The following MCC variants were observed in gnomAD, a reference collection of about 807,000 sequenced individuals.
The protein encoded by MCC is MCC regulator of Wnt signaling pathway.
In MCC, 90 loss-of-function variants were observed where a neutral mutation model predicts 116.2. The observed-to-expected ratio is 0.77, with a 90% CI of 0.65 to 0.92. MCC has a LOEUF of 0.92. Among genes scored for constraint, MCC ranks in the 40% least tolerant of loss-of-function variants. The pLI is 0.00. For synonymous variants in MCC, 578 were observed against 510.5 expected (o/e 1.13, Z -1.78); for missense variants, 1,516 against 1,312.2 (o/e 1.16, Z -2.40).
intron 1 of MCC, among the ~76,000 whole-genome samples, chr5:113,486,741 G>A (rs1370270810): frequency 6.6e-6 from 1 of 151,944 alleles, no homozygotes; most frequent in Non-Finnish European, 1.5e-5. Context: ...TACTCGGGAA[G>A]CTGAGGCAGG....
chr5:113,459,399 G>C (rs900252347), intron 1 of MCC, among the ~76,000 whole-genome samples: 1 of 151,766 alleles, frequency 6.6e-6, no homozygotes, highest in Non-Finnish European at 1.5e-5. Context: ...TTGGCCGGGC[G>C]TGGTTGTGGG....
At chr5:113,144,415 A>C (rs1759368309) in intron 4 of MCC, among the ~76,000 whole-genome samples, 1 of 152,154 alleles carries the variant, frequency 6.6e-6, no homozygotes, top group Admixed American at 6.5e-5. Context: ...GAGGAACTTT[A>C]ATTTCATCTT....
intron 3 of MCC, among the ~76,000 whole-genome samples, chr5:113,297,749 CAAAAAAAAAA>C (rs57148050): frequency 5.0e-4 from 30 of 60,546 alleles, no homozygotes; most frequent in Non-Finnish European, 7.3e-4. Context: ...GACTCTGTCT[CAAAAAAAAAA>C]AAAAAAAAAA....
chr5:113,188,008 C>T (rs1761985261), intron 3 of MCC, among the ~76,000 whole-genome samples: 1 of 152,030 alleles, frequency 6.6e-6, no homozygotes, highest in African/African-American at 2.4e-5. Context: ...TGTTATCATT[C>T]TAGAAAGGGG....
chr5:113,166,393 C>G (rs550799133), intron 3 of MCC, among the ~76,000 whole-genome samples: 6 of 152,092 alleles, frequency 3.9e-5, no homozygotes, highest in Non-Finnish European at 7.4e-5. Flanking sequence ...GGCATGGGAC[C>G]AAGTACAGCG....
intron 3 of MCC, among the ~76,000 whole-genome samples, chr5:113,196,243 G>T (rs1380234295): frequency 1.3e-5 from 2 of 152,200 alleles, no homozygotes; most frequent in African/African-American, 4.8e-5. Flanking sequence ...AAGCATTGCT[G>T]GATGGATGAA....
chr5:113,227,668 A>G (rs937077575), intron 3 of MCC, among the ~76,000 whole-genome samples: 2 of 152,248 alleles, frequency 1.3e-5, no homozygotes, highest in East Asian at 1.9e-4. Context: ...AGAACAAACA[A>G]TATGGGGATG....
intron 3 of MCC, among the ~76,000 whole-genome samples, chr5:113,293,803 C>A (rs906449905): frequency 6.6e-6 from 1 of 152,102 alleles, no homozygotes; most frequent in Admixed American, 6.5e-5. Context: ...AGACCCCTCC[C>A]CAGCGCGGGT....
intron 8 of MCC, among the ~76,000 whole-genome samples, chr5:113,099,346 ATG>A (rs376406149): frequency 6.6e-6 from 1 of 152,032 alleles, no homozygotes; most frequent in Admixed American, 6.5e-5. Flanking sequence ...GCAGGCCTGT[ATG>A]TGTGTGTGTG....
Position 113,158,990 on chromosome 5 carries a change from A to C in MCC, c.628-7568T>G, listed in dbSNP as rs1867323. 7.2e-5 allele frequency among the ~76,000 whole-genome samples: 11 copies of C among 152,156 alleles called. 1 individual carries two copies. The South Asian group carries it at 8.3e-4, about 11-fold the overall frequency. The stretch of plus-strand genomic sequence containing the variant: ...TGAGGTGTGTGCACAGGCAGGGCTG[A>C]AGACATGGGAGAAGCAGGGTCAGGG... On this transcript the variant is annotated intron_variant, in intron 3 of 18. Coordinates refer to ENST00000408903, the MANE Select transcript of MCC (RefSeq NM_001085377.2).
At chr5:113,319,915 A>G (rs1458716657) in intron 3 of MCC, among the ~76,000 whole-genome samples, 1 of 152,204 alleles carries the variant, frequency 6.6e-6, no homozygotes. Flanking sequence ...CAATGGCCAT[A>G]TGAGGCCCCA....
chr5:113,348,651 T>A (rs1768190397), intron 2 of MCC, among the ~76,000 whole-genome samples: 2 of 151,584 alleles, frequency 1.3e-5, no homozygotes, highest in Non-Finnish European at 2.9e-5. Context: ...TCTAAAGAAC[T>A]AGAAAAGTAA....
chr5:113,161,693 G>A (rs1191076748), intron 3 of MCC, among the ~76,000 whole-genome samples: 1 of 150,558 alleles, frequency 6.6e-6, no homozygotes, highest in South Asian at 2.1e-4. Flanking sequence ...CATACACACA[G>A]ACATGCAATT....
intron 3 of MCC, among the ~76,000 whole-genome samples, chr5:113,264,335 C>A (rs1765334827): frequency 6.6e-6 from 1 of 152,168 alleles, no homozygotes; most frequent in South Asian, 2.1e-4. Context: ...GGGCCTTAGT[C>A]ACGGGTCAAA....
At chr5:113,316,232 G>T (rs1330837090) in intron 3 of MCC, among the ~76,000 whole-genome samples, 1 of 150,086 alleles carries the variant, frequency 6.7e-6, no homozygotes, top group Non-Finnish European at 1.5e-5. Context: ...CTCCAGCCTG[G>T]GCGACAGAGA....
At chr5:113,120,774 C>T (rs1459258534) in intron 6 of MCC, among the ~76,000 whole-genome samples, 1 of 152,220 alleles carries the variant, frequency 6.6e-6, no homozygotes, top group Admixed American at 6.5e-5. Flanking sequence ...ACAGAGTCAA[C>T]AGTTATCATC....
At chr5:113,059,702 G>T (rs77046323) in intron 14 of MCC, among the ~76,000 whole-genome samples, 1 of 152,168 alleles carries the variant, frequency 6.6e-6, no homozygotes, top group Non-Finnish European at 1.5e-5. Context: ...TCTCCTTTCC[G>T]TGATGCTCTG....
At chr5:113,073,297 G>T (rs991509482) in intron 11 of MCC, among the ~76,000 whole-genome samples, 2 of 152,118 alleles carry the variant, frequency 1.3e-5, no homozygotes, top group Admixed American at 6.5e-5. Flanking sequence ...CATGGCGTGC[G>T]TGAGGCCCCT....
At chr5:113,230,100 A>G (rs1425607511) in intron 3 of MCC, among the ~76,000 whole-genome samples, 3 of 152,356 alleles carry the variant, frequency 2.0e-5, no homozygotes, top group East Asian at 3.9e-4. Context: ...TAAATAGTGG[A>G]TTCTAAAAAT....
Sources: allele counts gnomAD v4.1 joint callset (sites outside exome capture counted in the v4.1 genomes callset), GRCh38; gene constraint gnomAD v4.1.1; transcripts MANE v1.5; gene names NCBI Gene and HGNC (gene_info 2026-07-23, HGNC 2026-07-21).